CBLC: variants seen among roughly 807,000 people sequenced by gnomAD.
CBLC encodes E3 ubiquitin-protein ligase CBL-C.
A neutral mutation model predicts 58.6 loss-of-function variants in CBLC; 46 were observed. The ratio of observed to expected loss-of-function variants is 0.79; its 90% CI spans 0.62 to 1.00. The LOEUF is 1.00. Ranked by LOEUF, CBLC falls within the 50% of genes least tolerant of loss-of-function variation. CBLC has a pLI of 0.00. For synonymous variants in CBLC, 271 were observed against 264.2 expected (o/e 1.03, Z -0.25); for missense variants, 655 against 625.8 (o/e 1.05, Z -0.50).
intron 1 of CBLC, among the ~76,000 whole-genome samples, chr19:44,779,905 C>G (rs1967675768): frequency 6.6e-6 from 1 of 151,972 alleles, no homozygotes; most frequent in Non-Finnish European, 1.5e-5. Flanking sequence ...AACAACCTAC[C>G]CACCTATAGT....
In CBLC at chr19:44,784,274, C is replaced by T. The variant is rs1568558009; in HGVS notation, c.790C>T (p.Arg264Trp). Residue 264 changes from arginine (R) to tryptophan (W), a missense_variant, in exon 5 of 11, where the codon CGG becomes TGG. Arg to Trp is a moderately radical substitution (Grantham distance 101). Around this residue, in one of 3 missense-constraint regions of CBLC, gnomAD observed 371 missense variants for 370.8 expected, o/e 1.00. Transcript: ENST00000647358. ...TACCTCTCCCTCCAGTTACATCTTC[C>T]GGCCCAGCTGTACTCGCCTGGGGCA... Reference protein sequence around the residue: ...CRDKPGSYIFRPSCTRLGQWA... With the variant: ...CRDKPGSYIFWPSCTRLGQWA... 7 of 1,566,840 alleles carry T rather than the reference C, an allele frequency of 4.5e-6. No individual in the cohort carries two copies. The East Asian group carries it at 6.8e-5, about 15-fold the overall frequency.
chr19:44,780,924 G>C lies in CBLC; in HGVS notation c.373G>C (p.Ala125Pro). 6.2e-7 allele frequency: 1 copy of C among 1,612,780 alleles called. No individual in the cohort carries two copies. Among genetic ancestry groups the C allele is most frequent in the Non-Finnish European group, 8.5e-7 (1 of 1,179,980 alleles). The change falls in exon 2 of 11, where the codon GCC (alanine) becomes CCC (proline). Residue 125 changes from alanine (A) to proline (P), a missense_variant. This residue lies in a region of CBLC where 280 missense variants were observed against 237.2 expected (regional missense o/e 1.18). Coordinates refer to ENST00000647358, the MANE Select transcript of CBLC (RefSeq NM_012116.4). The part of the protein sequence containing the change: ...SRLRRQLAKL[A>P]IIFSHMHAEL... ...CCACAGGCGACAGCTGGCCAAGCTG[G>C]CCATCATCTTCAGCCACATGCACGC...
At position 44,779,278 on chromosome 19, in the gene CBLC, T is replaced by C. The variant is rs373481234; in HGVS notation, c.353+994T>C. 4.6e-5 allele frequency among the ~76,000 whole-genome samples: 7 copies of C among 152,096 alleles called. No homozygotes were observed. The East Asian group carries it at 9.7e-4, about 21-fold the overall frequency. On this transcript the variant is annotated intron_variant, in intron 1 of 10. Transcript: ENST00000647358. ...CTCAGAATGTGGAGACCCCATGGGCTCCTAGGTGGAGGAGAGGTAGATGGA... is the reference window on the plus strand; with the variant it reads ...CTCAGAATGTGGAGACCCCATGGGCCCCTAGGTGGAGGAGAGGTAGATGGA...
chr19:44,792,364 C>A lies in CBLC; in HGVS notation c.1006-19C>A. ...TGACGCATGCCCCTCGCTGTCTTCT[C>A]TATCCTCTCACCTGCCAGGAGCAGC... On this transcript the variant is annotated intron_variant, in intron 6 of 10. Transcript: ENST00000647358. The A allele has an allele frequency of 6.2e-7, 1 of 1,612,678 alleles. No homozygotes were observed. The highest frequency in any genetic ancestry group is 1.1e-5 in the South Asian group (1 of 91,030).
At chr19:44,785,263 A>G (rs1967869276) in intron 5 of CBLC, among the ~76,000 whole-genome samples, 1 of 151,222 alleles carries the variant, frequency 6.6e-6, no homozygotes, top group South Asian at 2.1e-4. Context: ...ATGAGCCACC[A>G]TGCCCGGTCC....
chr19:44,780,926 C>T lies in CBLC; in HGVS notation c.375C>T (p.Ala125=), dbSNP rs150974051. 1.9e-6 allele frequency: 3 copies of T among 1,612,858 alleles called. No homozygotes were observed. The highest frequency in any genetic ancestry group is 2.7e-5 in the African/African-American group (2 of 74,930). ...SRLRRQLAKL[A]IIFSHMHAEL... ...ACAGGCGACAGCTGGCCAAGCTGGC[C>T]ATCATCTTCAGCCACATGCACGCAG... The change falls in exon 2 of 11, where the codon GCC becomes GCT. Residue 125 remains alanine, a synonymous_variant. Transcript: ENST00000647358.
intron 3 of CBLC, among the ~76,000 whole-genome samples, chr19:44,781,937 G>GA (rs1967756522): frequency 7.7e-6 from 1 of 129,348 alleles, no homozygotes; most frequent in African/African-American, 3.0e-5. Flanking sequence ...AGGGCCTGGG[G>GA]CCTGGACTCC....
At chr19:44,786,459 G>A (rs1265896924) in intron 5 of CBLC, among the ~76,000 whole-genome samples, 2 of 151,450 alleles carry the variant, frequency 1.3e-5, no homozygotes, top group African/African-American at 4.8e-5. Flanking sequence ...GCCGGGCGTG[G>A]TGGCGGGCAC....
At position 44,781,199 on chromosome 19, in the gene CBLC, C is replaced by T; in HGVS notation, c.501-8C>T. 6.2e-7 allele frequency: 1 copy of T among 1,605,216 alleles called. No homozygotes were observed. The highest frequency in any genetic ancestry group is 1.1e-5 in the South Asian group (1 of 90,306). On this transcript the variant is annotated splice_polypyrimidine_tract_variant and splice_region_variant and intron_variant, in intron 2 of 10. Transcript: ENST00000647358. ...CAGCGGTGTCTCCCCCACCCCTCTCCCACCCAGGTGTGTGCTGCCCTGGGC... is the reference window on the plus strand; with the variant it reads ...CAGCGGTGTCTCCCCCACCCCTCTCTCACCCAGGTGTGTGCTGCCCTGGGC...
intron 5 of CBLC, among the ~76,000 whole-genome samples, chr19:44,789,781 C>T (rs1386021420): frequency 2.0e-5 from 3 of 152,112 alleles, no homozygotes; most frequent in Non-Finnish European, 4.4e-5. Context: ...GTGTGCCCTA[C>T]CTTGGGAGTC....
At position 44,777,939 on chromosome 19, in the gene CBLC, T is replaced by C; in HGVS notation, c.8T>C (p.Leu3Pro). 6.3e-7 allele frequency: 1 copy of C among 1,590,808 alleles called. No individual in the cohort carries two copies. The highest frequency in any genetic ancestry group is 8.5e-7 in the Non-Finnish European group (1 of 1,172,534). MA[L>P]AVAPWGRQWE... ...GGCACACGCGAGGCTCCCATGGCTC[T>C]GGCGGTGGCCCCGTGGGGGCGACAG... The change falls in exon 1 of 11, where the codon CTG becomes CCG. Residue 3 changes from leucine (L) to proline (P), a missense_variant. Leu to Pro is a moderately conservative substitution (Grantham distance 98, BLOSUM62 -3). Around this residue, in one of 3 missense-constraint regions of CBLC, gnomAD observed 280 missense variants for 237.2 expected, o/e 1.18. Transcript: ENST00000647358.
intron 4 of CBLC, among the ~76,000 whole-genome samples, chr19:44,782,799 CA>C (rs1967785611): frequency 6.6e-6 from 1 of 152,136 alleles, no homozygotes; most frequent in Non-Finnish European, 1.5e-5. Flanking sequence ...ACCATCTGTT[CA>C]GTATTTTGAG....
intron 5 of CBLC, among the ~76,000 whole-genome samples, chr19:44,785,977 A>G (rs141835994): frequency 0.01 from 1,553 of 151,852 alleles, 34 homozygotes; most frequent in African/African-American, 0.036. Flanking sequence ...TTTGGTAGAG[A>G]TGGGGGTGGG....
intron 9 of CBLC, among the ~76,000 whole-genome samples, chr19:44,796,202 G>T (rs986562746): frequency 6.6e-6 from 1 of 151,982 alleles, no homozygotes; most frequent in Non-Finnish European, 1.5e-5. Context: ...ATGACAGAGG[G>T]TGAGACCCTG....
Position 44,797,563 on chromosome 19 carries a change from G to A in CBLC, c.1363-2818G>A, listed in dbSNP as rs143413801. Among the ~76,000 whole-genome samples, 1,053 of 144,546 alleles carry A rather than the reference G, an allele frequency of 7.3e-3. 2 individuals are homozygous for A. The highest frequency in any genetic ancestry group is 0.034 in the Middle Eastern group (10 of 290). The allele number at this position is 144,546 out of a possible 152,430, so 94.8% of individuals were successfully genotyped here. ...CCGCCTGTCATAACTTTTGCTATGT[G>A]CCTGGCATTGCTTTTTTTTTTTTTT... is the stretch of plus-strand genomic sequence containing the variant. On this transcript the variant is annotated intron_variant, in intron 9 of 10. Transcript: ENST00000647358.
intron 9 of CBLC, among the ~76,000 whole-genome samples, chr19:44,800,114 C>T (rs1968262678): frequency 6.6e-6 from 1 of 152,194 alleles, no homozygotes; most frequent in African/African-American, 2.4e-5. Context: ...CTGTCCAGGG[C>T]CTGTGAAAGG....
intron 5 of CBLC, among the ~76,000 whole-genome samples, chr19:44,788,977 C>T (rs1423774259): frequency 6.6e-6 from 1 of 152,234 alleles, no homozygotes; most frequent in Non-Finnish European, 1.5e-5. Flanking sequence ...CTCCACATGA[C>T]AGGCCAGGCA....
intron 6 of CBLC, 125 bp from the exon 7 acceptor site, chr19:44,792,258 G>A: frequency 2.0e-6 from 2 of 1,007,098 alleles, no homozygotes; most frequent in Non-Finnish European, 1.5e-6. Flanking sequence ...CCTCCAAAGT[G>A]CTGGGATTAC....
chr19:44,793,435 C>T, intron 7 of CBLC, 39 bp from the exon 8 acceptor site: 1 of 1,551,518 alleles, frequency 6.4e-7, no homozygotes, highest in Non-Finnish European at 8.7e-7. Flanking sequence ...GGATGGAGAG[C>T]AGGGGAGCAC....
Sources: gnomAD v4.1 joint callset for allele counts (sites outside exome capture counted in the v4.1 genomes callset) on GRCh38, gnomAD v4.1.1 for gene constraint, gnomAD v4.1.1 regional missense constraint, MANE v1.5 for transcripts, NCBI Gene and HGNC (gene_info 2026-07-23, HGNC 2026-07-21) for gene names.